Variants in RBFOX1 observed in about 807,000 individuals in gnomAD.
RBFOX1 encodes RNA binding fox-1 homolog 1, also known as RNA binding protein fox-1 homolog 1.
Under a neutral mutation model 57.7 loss-of-function variants are expected in RBFOX1, and 8 were observed. That is an observed-to-expected ratio of 0.14 (90% CI 0.08 to 0.25). The LOEUF (loss-of-function observed/expected upper bound fraction) is 0.25. RBFOX1 is among the 10% of genes least tolerant of loss of function. The pLI is 1.00. For missense variants in RBFOX1, 611 were observed against 548.5 expected (o/e 1.11, Z -1.14); for synonymous variants, 326 against 222.4 (o/e 1.47, Z -4.15).
chr16:6,803,429 G>A (rs142444116), intron 3 of RBFOX1, among the ~76,000 whole-genome samples: 81 of 152,238 alleles, frequency 5.3e-4, no homozygotes, highest in Middle Eastern at 3.4e-3. Context: ...TGAGAGTGGC[G>A]TTCTGGCCTT....
intron 4 of RBFOX1, among the ~76,000 whole-genome samples, chr16:7,328,224 G>A (rs2096637414): frequency 6.6e-6 from 1 of 152,122 alleles, no homozygotes; most frequent in Admixed American, 6.6e-5. Context: ...GCTCATGCCT[G>A]TAATCCCAGC....
chr16:6,398,369 CA>C (rs1442702724), intron 2 of RBFOX1, among the ~76,000 whole-genome samples: 1 of 152,114 alleles, frequency 6.6e-6, no homozygotes, highest in African/African-American at 2.4e-5. Flanking sequence ...AACAGTCCCC[CA>C]AAGTCTTAAC....
At chr16:6,732,146 C>A (rs557683322) in intron 3 of RBFOX1, among the ~76,000 whole-genome samples, 8 of 152,112 alleles carry the variant, frequency 5.3e-5, no homozygotes, top group African/African-American at 1.2e-4. Flanking sequence ...TGGTCTCTTT[C>A]CCCTATACAT....
At chr16:5,347,637 CACCCATCT>C (rs1213655086) in intron 1 of RBFOX1, among the ~76,000 whole-genome samples, 13 of 150,686 alleles carry the variant, frequency 8.6e-5, no homozygotes, top group Non-Finnish European at 1.6e-4. Context: ...CACATCCACC[CACCCATCT>C]ACCCATCTAC....
chr16:5,347,372 T>A (rs561451541), intron 1 of RBFOX1, among the ~76,000 whole-genome samples: 1 of 152,290 alleles, frequency 6.6e-6, no homozygotes, highest in South Asian at 2.1e-4. Context: ...CCTTGAATCA[T>A]ACTTTGTTCT....
intron 3 of RBFOX1, among the ~76,000 whole-genome samples, chr16:5,828,687 C>G (rs577979683): frequency 1.3e-5 from 2 of 150,458 alleles, no homozygotes; most frequent in Non-Finnish European, 3.0e-5. Context: ...GAGCGAGACT[C>G]CAAAAAAGAA....
chr16:5,404,965 T>G (rs955731335), intron 1 of RBFOX1, among the ~76,000 whole-genome samples: 2 of 152,256 alleles, frequency 1.3e-5, no homozygotes, highest in Non-Finnish European at 2.9e-5. Context: ...TAGGAAGTAC[T>G]TCTCTAGAGC....
intron 4 of RBFOX1, among the ~76,000 whole-genome samples, chr16:7,295,378 G>A (rs926265081): frequency 1.3e-5 from 2 of 152,016 alleles, no homozygotes; most frequent in East Asian, 1.9e-4. Context: ...GAGGAATGAT[G>A]GTTTCATCAA....
intron 1 of RBFOX1, among the ~76,000 whole-genome samples, chr16:5,378,989 C>T (rs2151387332): frequency 6.6e-6 from 1 of 151,696 alleles, no homozygotes; most frequent in African/African-American, 2.4e-5. Context: ...GAAATCCTTC[C>T]TTGGGCTCAG....
chr16:6,016,926 T>A (rs1422924371), upstream of RBFOX1, among the ~76,000 whole-genome samples: 1 of 152,152 alleles, frequency 6.6e-6, no homozygotes, highest in Non-Finnish European at 1.5e-5. Flanking sequence ...TGTTTTAAAT[T>A]GTAATGGATG....
chr16:5,406,562 TTC>T (rs747266584), intron 1 of RBFOX1, among the ~76,000 whole-genome samples: 3 of 152,040 alleles, frequency 2.0e-5, no homozygotes, highest in East Asian at 1.9e-4. Flanking sequence ...CTCTCTGTGT[TTC>T]TCTCTCTTTA....
chr16:7,111,549 A>G (rs9936815), intron 4 of RBFOX1, among the ~76,000 whole-genome samples: 72,641 of 151,876 alleles, frequency 0.48, 17,934 homozygotes, highest in South Asian at 0.66. Flanking sequence ...GATACTGATT[A>G]TATCAGTTTT....
At chr16:5,838,947 A>C (rs935296804) in intron 3 of RBFOX1, among the ~76,000 whole-genome samples, 1 of 152,176 alleles carries the variant, frequency 6.6e-6, no homozygotes, top group African/African-American at 2.4e-5. Context: ...GCTGGAGGAA[A>C]AGTTTGCACC....
chr16:5,251,119 G>C (rs1039259208), intron 1 of RBFOX1, among the ~76,000 whole-genome samples: 9 of 137,364 alleles, frequency 6.6e-5, no homozygotes, highest in Non-Finnish European at 1.2e-4. Flanking sequence ...CGCAGACCCT[G>C]CTAACGGTCC....
chr16:5,563,371 C>T (rs1271153039), intron 2 of RBFOX1, among the ~76,000 whole-genome samples: 2 of 152,220 alleles, frequency 1.3e-5, no homozygotes, highest in African/African-American at 2.4e-5. Flanking sequence ...GCGAAGGAGT[C>T]ACATATCCTC....
intron 3 of RBFOX1, among the ~76,000 whole-genome samples, chr16:6,825,990 A>G (rs922355924): frequency 1.3e-5 from 2 of 152,224 alleles, no homozygotes; most frequent in Middle Eastern, 3.4e-3. Flanking sequence ...AAAAATGTTG[A>G]ACCTTCTTTA....
rs766026529 is a variant in RBFOX1, at chr16:5,647,188, G to A, written c.318+48227G>A. ...GTGATATGTGGGTGGCATGTGCACC[G>A]TTTCACTGAATATGAACCCCAGGTT... On this transcript the variant is annotated intron_variant, in intron 3 of 19. Transcript: ENST00000641259. Among the ~76,000 whole-genome samples the A allele has an allele frequency of 5.2e-4, 79 of 152,156 alleles. 1 individual carries two copies. Among genetic ancestry groups the A allele is most frequent in the Non-Finnish European group, 2.2e-4 (15 of 68,038 alleles).
intron 3 of RBFOX1, among the ~76,000 whole-genome samples, chr16:5,707,288 G>T (rs73518031): frequency 0.063 from 9,516 of 152,228 alleles, 983 homozygotes; most frequent in African/African-American, 0.21. Flanking sequence ...GCAGCTGTTT[G>T]GGAGAAAGAA....
Position 6,146,844 on chromosome 16 carries a change from G to A in RBFOX1, c.-127+126852G>A, listed in dbSNP as rs142462361. Among the ~76,000 whole-genome samples, 134 of 152,282 alleles carry A rather than the reference G, an allele frequency of 8.8e-4. 2 individuals are homozygous for A. The East Asian group carries it at 0.018, about 21-fold the overall frequency. ...TAAGTGGCGATTCAAGCTCCACCTC[G>A]TTGCAGAAACATGGGCAGTAAAACT... On this transcript the variant is annotated intron_variant, in intron 1 of 15. Coordinates refer to ENST00000550418, the MANE Select transcript of RBFOX1 (RefSeq NM_018723.4).
Sources: allele counts gnomAD v4.1 joint callset (sites outside exome capture counted in the v4.1 genomes callset), GRCh38; gene constraint gnomAD v4.1.1; transcripts MANE v1.5; gene names NCBI Gene and HGNC (gene_info 2026-07-23, HGNC 2026-07-21).